ANKRD46: variants seen among roughly 807,000 people sequenced by gnomAD.
ANKRD46 encodes the protein ankyrin repeat domain 46, also known as ankyrin repeat domain-containing protein 46.
A neutral mutation model predicts 19.8 loss-of-function variants in ANKRD46; 13 were observed. That is an observed-to-expected ratio of 0.66 (90% CI 0.43 to 1.04). The LOEUF (loss-of-function observed/expected upper bound fraction) is 1.04. Among genes scored for constraint, ANKRD46 ranks in the 50% least tolerant of loss-of-function variants. The pLI, the probability that ANKRD46 is intolerant of heterozygous loss-of-function variation, is 0.00. For synonymous variants in ANKRD46, 91 were observed against 106.9 expected (o/e 0.85, Z 0.92); for missense variants, 185 against 274.8 (o/e 0.67, Z 2.31).
Position 100,521,562 on chromosome 8 carries a change from T to C in ANKRD46, c.*993A>G. The C allele has an allele frequency of 1.0e-6, 1 of 985,450 alleles. No homozygotes were observed. The highest frequency in any genetic ancestry group is 1.2e-6 in the Non-Finnish European group (1 of 829,930). 61.0% of individuals were successfully genotyped at this position (985,450 alleles called of 1,614,324 possible). A position where few individuals can be genotyped will look rare whatever the true frequency, so the allele number is the denominator to read the frequency against. ...GCACTGTTAACTCAGAAATGCTCCA[T>C]CCATTCTTGCCATCAGAGAATTACA... On this transcript the variant is annotated 3_prime_UTR_variant, in exon 5 of 5. Coordinates refer to ENST00000335659, the MANE Select transcript of ANKRD46 (RefSeq NM_001270377.2).
intron 1 of ANKRD46, chr8:100,554,433 C>T (rs1812453312): frequency 6.6e-6 from 1 of 152,160 alleles, no homozygotes; most frequent in African/African-American, 2.4e-5. Context: ...TTAAAAAGTA[C>T]TTGGCTGGGT....
intron 1 of ANKRD46, among the ~76,000 whole-genome samples, chr8:100,549,653 G>C (rs543207930): frequency 3.3e-5 from 5 of 152,110 alleles, no homozygotes; most frequent in Non-Finnish European, 7.4e-5. Context: ...GCCACCACCA[G>C]AGGGTACCTC....
intron 1 of ANKRD46, among the ~76,000 whole-genome samples, chr8:100,549,478 A>G (rs1266345323): frequency 1.3e-5 from 2 of 152,226 alleles, no homozygotes; most frequent in Admixed American, 6.5e-5. Context: ...GAGAATTCTG[A>G]TTTCTTCAAA....
chr8:100,526,004 T>C (rs562632317), intron 4 of ANKRD46, among the ~76,000 whole-genome samples: 1 of 152,352 alleles, frequency 6.6e-6, no homozygotes, highest in Non-Finnish European at 1.5e-5. Context: ...TTCAACTTTC[T>C]GATTTAAGCT....
At position 100,522,007 on chromosome 8, in the gene ANKRD46, T is replaced by C. The variant is rs1327976797; in HGVS notation, c.*548A>G. On this transcript the variant is annotated 3_prime_UTR_variant, in exon 5 of 5. Transcript: ENST00000335659. The stretch of plus-strand genomic sequence containing the variant: ...TCAAAAGTTTTGTTTGGTTTGTGAC[T>C]AGACTTAAAAATACTAAAATAAGCC... 1 of 985,054 alleles carries C rather than the reference T, an allele frequency of 1.0e-6. No homozygotes were observed. The highest frequency in any genetic ancestry group is 1.2e-6 in the Non-Finnish European group (1 of 829,522). 61.0% of individuals were successfully genotyped at this position (985,054 alleles called of 1,614,324 possible).
Position 100,536,534 on chromosome 8 carries a change from C to G in ANKRD46, c.-130-3223G>C, listed in dbSNP as rs542963343. 6.6e-6 allele frequency among the ~76,000 whole-genome samples: 1 copy of G among 152,142 alleles called. No individual in the cohort carries two copies. Among genetic ancestry groups the G allele is most frequent in the African/African-American group, 2.4e-5 (1 of 41,520 alleles). On this transcript the variant is annotated intron_variant, in intron 1 of 4. Coordinates refer to ENST00000335659, the MANE Select transcript of ANKRD46 (RefSeq NM_001270377.2). This position sits in a 1 kb window ranked among gnomAD's most constrained non-coding sequence, Gnocchi z 4.9. ...TCTGGGGAGACAGTCCTCAGCCATA[C>G]GGAAGAAAGCTTGCATACAGCACTG...
At position 100,510,957 on chromosome 8, in the gene ANKRD46, G is replaced by C. The variant is rs1811539577; in HGVS notation, c.637-318C>G. Reference sequence around the variant, plus strand: ...CTGGGAACCTAATCACCCACTGCCTGCAGGCCTGACCAATTACACAAGAAT... The same window carrying C: ...CTGGGAACCTAATCACCCACTGCCTCCAGGCCTGACCAATTACACAAGAAT... On this transcript the variant is annotated intron_variant, in intron 5 of 5. Coordinates refer to the ANKRD46 transcript ENST00000520552. The surrounding 1 kb of genome is among the most constrained non-coding windows in gnomAD (Gnocchi z 4.9). Among the ~76,000 whole-genome samples, 1 of 152,192 alleles carries C rather than the reference G, an allele frequency of 6.6e-6. No individual in the cohort carries two copies. The highest frequency in any genetic ancestry group is 2.4e-5 in the African/African-American group (1 of 41,456).
At position 100,529,745 on chromosome 8, in the gene ANKRD46, C is replaced by T. The variant is rs763054735; in HGVS notation, c.89G>A (p.Arg30Gln). The change falls in exon 3 of 5, where the codon CGG becomes CAG. Residue 30 changes from arginine to glutamine, a missense_variant. Physicochemically the swap from Arg to Gln is conservative, Grantham distance 43. Coordinates refer to ENST00000335659, the MANE Select transcript of ANKRD46 (RefSeq NM_001270377.2). The surrounding 1 kb of genome is among the most constrained non-coding windows in gnomAD (Gnocchi z 5.8). ...CIDGDFNYSK[R>Q]LLESGFDPNI... ...TGGGTCAAAGCCACTTTCCAAAAGC[C>T]GCTTGGAATAATTAAAGTCCCCATC... 36 of 1,614,078 alleles carry T rather than the reference C, an allele frequency of 2.2e-5. No individual in the cohort carries two copies. The highest frequency in any genetic ancestry group is 6.7e-5 in the East Asian group (3 of 44,902).
chr8:100,529,828 C>G lies in ANKRD46; in HGVS notation c.6G>C (p.Ser2=), dbSNP rs148637125. Residue 2 remains serine, a synonymous_variant, in exon 3 of 5, where the codon TCG becomes TCC. Transcript: ENST00000335659. The surrounding 1 kb of genome is among the most constrained non-coding windows in gnomAD (Gnocchi z 5.8). ...GAGAAGAATCATTTACAAAAACATA[C>G]GACATTGTTCTGATGTGGTGGATGG... M[S]YVFVNDSSQT... is the part of the protein sequence containing the mutation. The G allele has an allele frequency of 1.9e-6, 3 of 1,613,644 alleles. No individual in the cohort carries two copies. Among genetic ancestry groups the G allele is most frequent in the Non-Finnish European group, 2.5e-6 (3 of 1,179,680 alleles).
At chr8:100,555,027 A>C (rs1028074319) in intron 1 of ANKRD46, among the ~76,000 whole-genome samples, 1 of 152,134 alleles carries the variant, frequency 6.6e-6, no homozygotes, top group African/African-American at 2.4e-5. Flanking sequence ...AAAAAAAAAA[A>C]AAAGTACTTA....
rs956886217 is a variant in ANKRD46 at position 100,511,775 on chromosome 8, G to C, written c.637-1136C>G. ...ATGGTGGCTCACGCCTGTAATCCCAGCACTTTGGGAGGTCAATGCGGGCAG... is the reference window on the plus strand; with the variant it reads ...ATGGTGGCTCACGCCTGTAATCCCACCACTTTGGGAGGTCAATGCGGGCAG... On this transcript the variant is annotated intron_variant, in intron 5 of 5. Coordinates refer to the ANKRD46 transcript ENST00000520552. This position sits in a 1 kb window ranked among gnomAD's most constrained non-coding sequence, Gnocchi z 4.1. Among the ~76,000 whole-genome samples the C allele has an allele frequency of 2.0e-5, 3 of 152,216 alleles. No individual in the cohort carries two copies. Among genetic ancestry groups the C allele is most frequent in the African/African-American group, 4.8e-5 (2 of 41,450 alleles).
intron 1 of ANKRD46, among the ~76,000 whole-genome samples, chr8:100,541,359 C>A (rs1355360117): frequency 6.6e-6 from 1 of 151,986 alleles, no homozygotes; most frequent in Admixed American, 6.6e-5. Context: ...AAAATTTAAA[C>A]CAGACTTCAC....
Position 100,532,783 on chromosome 8 carries a change from T to C in ANKRD46, c.-28+426A>G, listed in dbSNP as rs1811991684. Among the ~76,000 whole-genome samples, 1 of 152,216 alleles carries C rather than the reference T, an allele frequency of 6.6e-6. No individual in the cohort carries two copies. The highest frequency in any genetic ancestry group is 2.4e-5 in the African/African-American group (1 of 41,448). On this transcript the variant is annotated intron_variant, in intron 2 of 4. Coordinates refer to ENST00000335659, the MANE Select transcript of ANKRD46 (RefSeq NM_001270377.2). This position sits in a 1 kb window ranked among gnomAD's most constrained non-coding sequence, Gnocchi z 4.7. ...GTTCTGGGCTGCAGGTTGGACAAGC[T>C]TGCACAGTATTGAATCATAAAAATG...
intron 5 of ANKRD46, among the ~76,000 whole-genome samples, chr8:100,514,957 C>G (rs897747728): frequency 6.6e-6 from 1 of 152,080 alleles, no homozygotes; most frequent in Non-Finnish European, 1.5e-5. Context: ...CCCATCTTTA[C>G]ACATATTTCA....
At chr8:100,541,315 T>C (rs1812171080) in intron 1 of ANKRD46, among the ~76,000 whole-genome samples, 1 of 152,146 alleles carries the variant, frequency 6.6e-6, no homozygotes, top group African/African-American at 2.4e-5. Flanking sequence ...ATTGTGAGTT[T>C]TGCAAAATAT....
At chr8:100,535,998 G>C (rs1812057937) in intron 1 of ANKRD46, among the ~76,000 whole-genome samples, 1 of 151,948 alleles carries the variant, frequency 6.6e-6, no homozygotes, top group Non-Finnish European at 1.5e-5. Context: ...CATTCAAGAA[G>C]AATGTAAGGT....
chr8:100,535,095 C>T (rs543500328), intron 1 of ANKRD46, among the ~76,000 whole-genome samples: 61 of 151,938 alleles, frequency 4.0e-4, no homozygotes, highest in African/African-American at 1.4e-3. Flanking sequence ...TTACAATGGC[C>T]CATAAGAAAA....
rs563880826 is a variant in ANKRD46 at position 100,558,304 on chromosome 8, A to G, written c.-131+1407T>C. 3.5e-4 allele frequency among the ~76,000 whole-genome samples: 53 copies of G among 152,318 alleles called. 1 individual carries two copies. Among genetic ancestry groups the G allele is most frequent in the Admixed American group, 3.0e-3 (46 of 15,302 alleles). ...ATCCTCTCTCCAGTGCCTTTCCTGTATTCTGTAAAATATTAACTTACTATC... is the reference window on the plus strand; with the variant it reads ...ATCCTCTCTCCAGTGCCTTTCCTGTGTTCTGTAAAATATTAACTTACTATC... On this transcript the variant is annotated intron_variant, in intron 1 of 4. Transcript: ENST00000335659.
In ANKRD46 at chr8:100,521,588, G is replaced by A. The variant is rs1325694828; in HGVS notation, c.*967C>T. The A allele has an allele frequency of 1.5e-5, 15 of 985,272 alleles. No individual in the cohort carries two copies. The highest frequency in any genetic ancestry group is 1.1e-4 in the East Asian group (1 of 8,834). 61.0% of individuals were successfully genotyped at this position (985,272 alleles called of 1,614,324 possible). A position where few individuals can be genotyped will look rare whatever the true frequency, so the allele number is the denominator to read the frequency against. On this transcript the variant is annotated 3_prime_UTR_variant, in exon 5 of 5. Coordinates refer to ENST00000335659, the MANE Select transcript of ANKRD46 (RefSeq NM_001270377.2). ...CCATTCTTGCCATCAGAGAATTACA[G>A]ATATGGATGGGATTGTTAAAAGTCT...
Sources: allele counts gnomAD v4.1 joint callset (sites outside exome capture counted in the v4.1 genomes callset), GRCh38; gene constraint gnomAD v4.1.1; non-coding constraint Gnocchi (gnomAD v3.1); transcripts MANE v1.5; gene names NCBI Gene and HGNC (gene_info 2026-07-23, HGNC 2026-07-21).